Variants in VEPH1 observed in about 807,000 individuals in gnomAD.
VEPH1 encodes the protein ventricular zone-expressed PH domain-containing protein homolog 1.
VEPH1 carries 80 observed loss-of-function variants against 85.2 expected under a neutral mutation model. That is an observed-to-expected ratio of 0.94 (90% confidence interval 0.78 to 1.13). The LOEUF is 1.13. Ranked by LOEUF, VEPH1 falls within the 50% of genes most tolerant of loss-of-function variation. The pLI is 0.00. For missense variants in VEPH1, 955 were observed against 980.5 expected, an observed-to-expected ratio of 0.97 and a Z score of 0.35; for synonymous variants, 297 against 348.0, an observed-to-expected ratio of 0.85 and a Z score of 1.63.
At chr3:157,493,221 C>T (rs1739377112) in intron 2 of VEPH1, 3 of 456,060 alleles carry the variant, frequency 6.6e-6, no homozygotes, top group South Asian at 3.1e-5. Context: ...GGAGAAGCCA[C>T]CTATTTTTCA....
chr3:157,399,961 C>G (rs1320329999), intron 6 of VEPH1, among the ~76,000 whole-genome samples: 1 of 152,040 alleles, frequency 6.6e-6, no homozygotes, highest in Non-Finnish European at 1.5e-5. Context: ...GATTGTGTCT[C>G]AATTTTTCTG....
At chr3:157,412,749 G>A (rs185343282) in intron 6 of VEPH1, among the ~76,000 whole-genome samples, 1 of 152,254 alleles carries the variant, frequency 6.6e-6, no homozygotes, top group Admixed American at 6.5e-5. Context: ...GACAGGTGCA[G>A]GCTTGGGAAC....
At chr3:157,406,309 AT>A (rs1387739655) in intron 6 of VEPH1, among the ~76,000 whole-genome samples, 1 of 151,940 alleles carries the variant, frequency 6.6e-6, no homozygotes, top group African/African-American at 2.4e-5. Context: ...CGGACCCCAG[AT>A]TTTTTTTAGT....
intron 12 of VEPH1, among the ~76,000 whole-genome samples, chr3:157,279,756 G>T (rs1414724023): frequency 2.6e-5 from 4 of 152,140 alleles, no homozygotes; most frequent in Non-Finnish European, 4.4e-5. Flanking sequence ...GGTGGCTCAC[G>T]CTGGTAATCC....
At chr3:157,384,768 G>A (rs545571896) in intron 6 of VEPH1, among the ~76,000 whole-genome samples, 1 of 152,332 alleles carries the variant, frequency 6.6e-6, no homozygotes, top group Admixed American at 6.5e-5. Flanking sequence ...AGGGGTAACA[G>A]ATGTGATTTT....
chr3:157,363,202 G>GC, intron 9 of VEPH1, 162 bp downstream of exon 9: 1 of 465,784 alleles, frequency 2.1e-6, no homozygotes, highest in South Asian at 5.6e-5. Context: ...CTTTTCTTGG[G>GC]AAAAAAAAAA....
intron 2 of VEPH1, among the ~76,000 whole-genome samples, chr3:157,472,688 T>C (rs1225223313): frequency 6.6e-6 from 1 of 152,170 alleles, no homozygotes; most frequent in Non-Finnish European, 1.5e-5. Flanking sequence ...TAACCACTGA[T>C]AGGCCCCAGT....
At chr3:157,338,897 C>T (rs1723228887) in intron 9 of VEPH1, among the ~76,000 whole-genome samples, 2 of 152,202 alleles carry the variant, frequency 1.3e-5, no homozygotes, top group Non-Finnish European at 2.9e-5. Flanking sequence ...ATTCACTGAA[C>T]TGCACTGCAC....
At chr3:157,451,800 T>C (rs563652827) in intron 4 of VEPH1, among the ~76,000 whole-genome samples, 1 of 152,214 alleles carries the variant, frequency 6.6e-6, no homozygotes, top group South Asian at 2.1e-4. Context: ...AAGACCAGAG[T>C]GGCTCTGCTC....
chr3:157,412,292 A>G (rs1191803404), intron 6 of VEPH1, among the ~76,000 whole-genome samples: 2 of 152,170 alleles, frequency 1.3e-5, no homozygotes, highest in Admixed American at 1.3e-4. Context: ...ACAAACTGAC[A>G]GTTACTTAAT....
intron 4 of VEPH1, among the ~76,000 whole-genome samples, chr3:157,446,986 G>C (rs771130619): frequency 5.3e-5 from 8 of 152,152 alleles, no homozygotes; most frequent in Non-Finnish European, 1.0e-4. Flanking sequence ...AGATTAGTAA[G>C]CAGATAATTT....
intron 4 of VEPH1, chr3:157,436,769 C>A: frequency 1.6e-6 from 1 of 634,012 alleles, no homozygotes; most frequent in Non-Finnish European, 2.5e-6. Flanking sequence ...CTCCCGTTAC[C>A]GCAGTGCCAC....
intron 12 of VEPH1, among the ~76,000 whole-genome samples, chr3:157,274,543 G>T (rs1397900756): frequency 1.3e-5 from 2 of 152,148 alleles, no homozygotes; most frequent in Non-Finnish European, 2.9e-5. Context: ...TGTTGCTCAG[G>T]CTGGAATACA....
At chr3:157,477,983 A>G (rs1191101884) in intron 2 of VEPH1, among the ~76,000 whole-genome samples, 3 of 152,218 alleles carry the variant, frequency 2.0e-5, no homozygotes, top group African/African-American at 7.2e-5. Flanking sequence ...CATACCATTT[A>G]GAACAGTTCT....
intron 12 of VEPH1, among the ~76,000 whole-genome samples, chr3:157,270,785 A>AT (rs1441347484): frequency 2.6e-5 from 4 of 152,180 alleles, no homozygotes; most frequent in African/African-American, 9.7e-5. Context: ...GGGAGCTTTA[A>AT]TTTATCATCT....
intron 6 of VEPH1, among the ~76,000 whole-genome samples, chr3:157,400,328 T>A (rs911083307): frequency 4.6e-5 from 7 of 152,160 alleles, no homozygotes. Context: ...TTCAGGTCTA[T>A]GCATTTGGCA....
At chr3:157,333,791 G>T (rs374517418) in intron 9 of VEPH1, among the ~76,000 whole-genome samples, 19 of 152,306 alleles carry the variant, frequency 1.2e-4, no homozygotes, top group African/African-American at 4.6e-4. Context: ...CAGATATAGG[G>T]CACAGAAAAT....
intron 4 of VEPH1, among the ~76,000 whole-genome samples, chr3:157,450,782 C>T (rs559302249): frequency 1.1e-3 from 173 of 151,916 alleles, no homozygotes; most frequent in African/African-American, 3.7e-3. Context: ...AATATTAAGC[C>T]GTCCTGCATT....
intron 12 of VEPH1, among the ~76,000 whole-genome samples, chr3:157,271,219 G>T (rs944946888): frequency 2.6e-5 from 4 of 152,106 alleles, no homozygotes; most frequent in African/African-American, 9.7e-5. Flanking sequence ...GGACTTTATG[G>T]GAAAGTTTTT....
Sources: allele counts gnomAD v4.1 joint callset (sites outside exome capture counted in the v4.1 genomes callset), GRCh38; gene constraint gnomAD v4.1.1; transcripts MANE v1.5; gene names NCBI Gene and HGNC (gene_info 2026-07-23, HGNC 2026-07-21).